KIAA1549: variants seen among roughly 807,000 people sequenced by gnomAD.
The protein encoded by KIAA1549 is UPF0606 protein KIAA1549.
In KIAA1549, 70 loss-of-function variants were observed where a neutral mutation model predicts 156.4. That is an observed-to-expected ratio of 0.45 (90% confidence interval 0.37 to 0.55). The LOEUF is 0.55. Ranked by LOEUF, KIAA1549 falls within the 20% of genes least tolerant of loss-of-function variation. KIAA1549 has a pLI of 0.00. For synonymous variants in KIAA1549, 1,103 were observed against 1,066.4 expected, an observed-to-expected ratio of 1.03 and a Z score of -0.67; for missense variants, 2,428 against 2,540.9, an observed-to-expected ratio of 0.96 and a Z score of 0.96.
At position 138,837,627 on chromosome 7, in the gene KIAA1549, G is replaced by A. The variant is rs2130317964; in HGVS notation, c.*279C>T. The A allele has an allele frequency of 1.8e-6, 1 of 550,252 alleles. No homozygotes were observed. Among genetic ancestry groups the A allele is most frequent in the East Asian group, 2.9e-5 (1 of 34,344 alleles). 34.1% of individuals were successfully genotyped at this position (550,252 alleles called of 1,614,324 possible). A position where few individuals can be genotyped will look rare whatever the true frequency, so the allele number is the denominator to read the frequency against. On this transcript the variant is annotated 3_prime_UTR_variant, in exon 20 of 20. Transcript: ENST00000422774. ...AGAGACGAATGCAGTCATTTTGTTA[G>A]CTTAGGTTTGTGTTTTGTTTTTGTG...
At position 138,898,962 on chromosome 7, in the gene KIAA1549, A is replaced by G. The variant is rs752045761; in HGVS notation, c.3840T>C (p.Ile1280=). 1 of 1,613,780 alleles carries G rather than the reference A, an allele frequency of 6.2e-7. No individual in the cohort carries two copies. Among genetic ancestry groups the G allele is most frequent in the Non-Finnish European group, 8.5e-7 (1 of 1,179,718 alleles). The change falls in exon 9 of 20, where the codon ATT becomes ATC. Residue 1280 remains isoleucine (I), a synonymous_variant. Transcript: ENST00000422774. The part of the protein sequence containing the change: ...IILGYRIQGV[I]AQPVDRVKRP... ...AACACCTCAGGCACTTACGCTGGGCAATGACACCTTGAATTCGGTAACCCA... is the reference window on the plus strand; with the variant it reads ...AACACCTCAGGCACTTACGCTGGGCGATGACACCTTGAATTCGGTAACCCA...
intron 1 of KIAA1549, among the ~76,000 whole-genome samples, chr7:138,960,287 T>TTTTATTTA (rs1356727367): frequency 0.036 from 3,223 of 90,230 alleles, 120 homozygotes; most frequent in African/African-American, 0.15. Flanking sequence ...ATAAATTTTA[T>TTTTATTTA]TTTATTGATT....
At chr7:138,916,337 A>G (rs1812319904) in intron 2 of KIAA1549, among the ~76,000 whole-genome samples, 1 of 152,254 alleles carries the variant, frequency 6.6e-6, no homozygotes, top group African/African-American at 2.4e-5. Flanking sequence ...GGGTTATGGT[A>G]GGACAAAGAT....
intron 1 of KIAA1549, among the ~76,000 whole-genome samples, chr7:138,925,563 T>G (rs1243965585): frequency 2.0e-5 from 3 of 152,136 alleles, no homozygotes; most frequent in Non-Finnish European, 2.9e-5. Context: ...CTCACCGCTA[T>G]AATCCAAGCA....
chr7:138,935,604 A>G (rs769041985), intron 1 of KIAA1549, among the ~76,000 whole-genome samples: 59 of 152,306 alleles, frequency 3.9e-4, no homozygotes, highest in Non-Finnish European at 6.3e-4. Flanking sequence ...CACTCAGAGC[A>G]GGAGTGGCAC....
intron 17 of KIAA1549, among the ~76,000 whole-genome samples, chr7:138,847,200 A>G (rs1337354467): frequency 6.6e-6 from 1 of 152,222 alleles, no homozygotes; most frequent in Non-Finnish European, 1.5e-5. Context: ...AAAATCCTTT[A>G]AAGTGGGTGA....
At chr7:138,929,354 A>G (rs1265709039) in intron 1 of KIAA1549, among the ~76,000 whole-genome samples, 1 of 152,036 alleles carries the variant, frequency 6.6e-6, no homozygotes, top group African/African-American at 2.4e-5. Flanking sequence ...ATAAGAAGTG[A>G]CTCCTCGTCT....
chr7:138,938,613 C>T lies in KIAA1549; in HGVS notation c.188-19175G>A, dbSNP rs76324184. ...ATGTAAATACTAATTTGACAAGAAA[C>T]TAACCAGATCAAATCTATAGATAAC... On this transcript the variant is annotated intron_variant, in intron 1 of 19. Transcript: ENST00000422774. 8.2e-3 allele frequency among the ~76,000 whole-genome samples: 1,244 copies of T among 152,308 alleles called. 24 individuals are homozygous for T. The highest frequency in any genetic ancestry group is 0.029 in the African/African-American group (1,197 of 41,564).
At chr7:138,912,579 T>C (rs962043346) in intron 2 of KIAA1549, 119 bp from the exon 3 acceptor site, 1 of 791,256 alleles carries the variant, frequency 1.3e-6, no homozygotes, top group Admixed American at 2.1e-5. Context: ...AGTCTTTTTG[T>C]AAAATAAAGG....
Position 138,917,488 on chromosome 7 carries a change from C to T in KIAA1549, c.2138G>A (p.Arg713His), listed in dbSNP as rs532187532. 13 of 1,613,752 alleles carry T rather than the reference C, an allele frequency of 8.1e-6. No individual in the cohort carries two copies. The highest frequency in any genetic ancestry group is 4.4e-5 in the South Asian group (4 of 91,082). ...GCTTGACCATGGTGACACCTCAGAACGGCTAGGTAGCAACATGATGGTGTT... is the reference window on the plus strand; with the variant it reads ...GCTTGACCATGGTGACACCTCAGAATGGCTAGGTAGCAACATGATGGTGTT... ...PLNTIMLLPS[R>H]SEVSPWSSFP... is the part of the protein sequence containing the mutation. The change falls in exon 2 of 20, where the codon CGT becomes CAT. Residue 713 changes from arginine to histidine, a missense_variant. Transcript: ENST00000422774.
At chr7:138,845,421 T>TA (rs1310558605) in intron 17 of KIAA1549, among the ~76,000 whole-genome samples, 27 of 152,128 alleles carry the variant, frequency 1.8e-4, no homozygotes, top group African/African-American at 4.8e-5. Context: ...TAGATCATCT[T>TA]AAAAAAATAT....
chr7:138,916,219 G>T (rs1812316812), intron 2 of KIAA1549, among the ~76,000 whole-genome samples: 1 of 152,238 alleles, frequency 6.6e-6, no homozygotes, highest in Non-Finnish European at 1.5e-5. Context: ...AGTAAGAAGA[G>T]TAAATGAGTA....
At chr7:138,948,256 C>A (rs144832846) in intron 1 of KIAA1549, among the ~76,000 whole-genome samples, 206 of 152,218 alleles carry the variant, frequency 1.4e-3, no homozygotes, top group African/African-American at 4.6e-3. Context: ...AGTGTCCTCA[C>A]GAAAATGGGG....
At chr7:138,969,382 T>C (rs1814148272) in intron 1 of KIAA1549, among the ~76,000 whole-genome samples, 1 of 152,166 alleles carries the variant, frequency 6.6e-6, no homozygotes, top group Non-Finnish European at 1.5e-5. Flanking sequence ...AATCCTACAG[T>C]ATTTGTCCTT....
intron 2 of KIAA1549, among the ~76,000 whole-genome samples, chr7:138,915,030 G>A (rs1438758349): frequency 6.6e-6 from 1 of 152,106 alleles, no homozygotes; most frequent in African/African-American, 2.4e-5. Flanking sequence ...CCTCCTCCCT[G>A]GACTGCTCTA....
chr7:138,851,941 G>A (rs1454722317), intron 17 of KIAA1549, among the ~76,000 whole-genome samples: 2 of 152,160 alleles, frequency 1.3e-5, no homozygotes, highest in Non-Finnish European at 2.9e-5. Context: ...GTCTCATACC[G>A]CTTCACTGCC....
intron 1 of KIAA1549, among the ~76,000 whole-genome samples, chr7:138,970,564 C>G (rs1487279669): frequency 6.6e-6 from 1 of 152,244 alleles, no homozygotes; most frequent in African/African-American, 2.4e-5. Flanking sequence ...CTGAGCCTCT[C>G]AAGCTTTGGT....
At chr7:138,970,816 C>A (rs559406481) in intron 1 of KIAA1549, among the ~76,000 whole-genome samples, 1 of 152,316 alleles carries the variant, frequency 6.6e-6, no homozygotes, top group South Asian at 2.1e-4. Context: ...TCTGAGGCTT[C>A]CCCCTTTGAA....
At position 138,834,758 on chromosome 7, in the gene KIAA1549, A is replaced by C. The variant is rs1448278333; in HGVS notation, c.*3148T>G. On this transcript the variant is annotated 3_prime_UTR_variant, in exon 20 of 20. Coordinates refer to ENST00000422774, the MANE Select transcript of KIAA1549 (RefSeq NM_001164665.2). ...CCGCAGTAGTGCAGCGTTTCACATC[A>C]CTCATCCTAGGGCGTCCACATAGAC... is the stretch of plus-strand genomic sequence containing the variant. The C allele has an allele frequency of 1.3e-5, 3 of 232,546 alleles. No homozygotes were observed. Among genetic ancestry groups the C allele is most frequent in the Non-Finnish European group, 2.5e-5 (3 of 117,694 alleles). The allele number at this position is 232,546 out of a possible 1,614,324, so 14.4% of individuals were successfully genotyped here.
Sources: gnomAD v4.1 joint callset for allele counts (sites outside exome capture counted in the v4.1 genomes callset) on GRCh38, gnomAD v4.1.1 for gene constraint, MANE v1.5 for transcripts, NCBI Gene and HGNC (gene_info 2026-07-23, HGNC 2026-07-21) for gene names.